The following IL1RAPL2 variants were observed in gnomAD, a reference collection of about 807,000 sequenced individuals.
The protein encoded by IL1RAPL2 is X-linked interleukin-1 receptor accessory protein-like 2.
In IL1RAPL2, 3 loss-of-function variants were observed where a neutral mutation model predicts 44.1. The ratio of observed to expected loss-of-function variants is 0.07; its 90% confidence interval spans 0.03 to 0.18. The LOEUF (loss-of-function observed/expected upper bound fraction) is 0.18, where lower values mean the gene tolerates loss of function less well. Ranked by LOEUF, IL1RAPL2 falls within the 10% of genes least tolerant of loss-of-function variation. The pLI is 1.00. For synonymous variants in IL1RAPL2, 181 were observed against 178.8 expected, an observed-to-expected ratio of 1.01 and a Z score of -0.10; for missense variants, 391 against 496.4, an observed-to-expected ratio of 0.79 and a Z score of 2.02.
At chrX:104,712,394 G>A (rs1318775044) in intron 2 of IL1RAPL2, among the ~76,000 whole-genome samples, 4 of 110,776 alleles carry the variant, frequency 3.6e-5, no homozygotes, top group Non-Finnish European at 1.9e-5. Context: ...GAAAAGATAA[G>A]ACTAGGGTTT....
chrX:104,829,526 C>G (rs992214629), intron 2 of IL1RAPL2, among the ~76,000 whole-genome samples: 2 of 112,331 alleles, frequency 1.8e-5, no homozygotes, highest in East Asian at 5.6e-4. Flanking sequence ...AATCACCCAC[C>G]TTCTGTGTTG....
intron 2 of IL1RAPL2, among the ~76,000 whole-genome samples, chrX:104,674,830 G>A (rs1333914553): frequency 9.0e-6 from 1 of 111,691 alleles, no homozygotes; most frequent in African/African-American, 3.3e-5. Context: ...TTTTGGGAGA[G>A]TGTATGTGTC....
At chrX:104,773,750 A>G (rs1360166653) in intron 2 of IL1RAPL2, among the ~76,000 whole-genome samples, 1 of 112,427 alleles carries the variant, frequency 8.9e-6, no homozygotes, top group Non-Finnish European at 1.9e-5. Context: ...GAAATGGATG[A>G]GAGCAGAGGT....
intron 2 of IL1RAPL2, among the ~76,000 whole-genome samples, chrX:104,816,713 T>C (rs888130432): frequency 8.9e-6 from 1 of 111,874 alleles, no homozygotes; most frequent in Non-Finnish European, 1.9e-5. Flanking sequence ...ATGGTTAAAT[T>C]TGGGGGCTCT....
At chrX:104,849,260 G>C (rs1271284935) in intron 2 of IL1RAPL2, among the ~76,000 whole-genome samples, 1 of 103,372 alleles carries the variant, frequency 9.7e-6, no homozygotes, top group Non-Finnish European at 2.0e-5. Context: ...ACGTTGCCCA[G>C]GCTGGTCTCA....
chrX:104,708,886 G>C (rs946534314), intron 2 of IL1RAPL2, among the ~76,000 whole-genome samples: 13 of 110,740 alleles, frequency 1.2e-4, no homozygotes, highest in Non-Finnish European at 1.9e-4. Flanking sequence ...TTTTCTGATT[G>C]GTAGGTGCTT....
intron 6 of IL1RAPL2, among the ~76,000 whole-genome samples, chrX:105,506,984 C>A (rs967081655): frequency 1.8e-5 from 2 of 111,641 alleles, no homozygotes; most frequent in African/African-American, 6.5e-5. Context: ...TCTTGAATTT[C>A]CCTCTTTCTT....
At chrX:104,947,866 C>G (rs1306519486) in intron 2 of IL1RAPL2, among the ~76,000 whole-genome samples, 27 of 111,752 alleles carry the variant, frequency 2.4e-4, no homozygotes, top group African/African-American at 7.5e-4. Flanking sequence ...CTCCGGCTTT[C>G]TTCTTTTGGC....
At chrX:104,711,357 T>C (rs1221862308) in intron 2 of IL1RAPL2, among the ~76,000 whole-genome samples, 1 of 111,138 alleles carries the variant, frequency 9.0e-6, no homozygotes, top group Non-Finnish European at 1.9e-5. Context: ...AAAGTTCTCT[T>C]TGTGTGCATG....
chrX:105,547,536 C>T (rs2036813008), intron 6 of IL1RAPL2, among the ~76,000 whole-genome samples: 1 of 111,965 alleles, frequency 8.9e-6, no homozygotes, highest in African/African-American at 3.2e-5. Flanking sequence ...TTGGGCCAAG[C>T]TTAGCTAGGC....
chrX:104,809,556 C>G (rs1423871161), intron 2 of IL1RAPL2, among the ~76,000 whole-genome samples: 1 of 109,867 alleles, frequency 9.1e-6, no homozygotes, highest in Non-Finnish European at 1.9e-5. Context: ...TGTCCTTCAC[C>G]CACTTTTTGA....
At chrX:104,734,087 G>A (rs1931970812) in intron 2 of IL1RAPL2, among the ~76,000 whole-genome samples, 1 of 112,015 alleles carries the variant, frequency 8.9e-6, no homozygotes, top group African/African-American at 3.2e-5. Context: ...TTAAAGCCAT[G>A]ATGGGATGTC....
In IL1RAPL2 at chrX:104,834,543, T is replaced by C. The variant is rs757174683; in HGVS notation, c.82+175548T>C. Among the ~76,000 whole-genome samples, 26 of 112,112 alleles carry C rather than the reference T, an allele frequency of 2.3e-4. 1 individual carries two copies. The South Asian group carries it at 9.3e-3, about 40-fold the overall frequency. ...GACAAGAGGAAATCAGTTATAAATA[T>C]TTTACACACAAACAAATGATTCACT... is the stretch of plus-strand genomic sequence containing the variant. On this transcript the variant is annotated intron_variant, in intron 2 of 10. Transcript: ENST00000372582.
At chrX:105,126,382 C>T (rs1322958654) in intron 2 of IL1RAPL2, among the ~76,000 whole-genome samples, 1 of 110,644 alleles carries the variant, frequency 9.0e-6, no homozygotes, top group Non-Finnish European at 1.9e-5. Flanking sequence ...CTCTGATCTG[C>T]CCTCTCTCTA....
At chrX:105,131,693 G>C (rs1303006967) in intron 2 of IL1RAPL2, among the ~76,000 whole-genome samples, 1 of 110,717 alleles carries the variant, frequency 9.0e-6, no homozygotes, top group African/African-American at 3.3e-5. Context: ...ACATTACATA[G>C]AAAACAAGTT....
intron 5 of IL1RAPL2, among the ~76,000 whole-genome samples, chrX:105,353,123 G>A (rs2035170587): frequency 9.0e-6 from 1 of 111,448 alleles, no homozygotes; most frequent in Non-Finnish European, 1.9e-5. Flanking sequence ...GTGTAAGGAA[G>A]GGATCCAGTT....
intron 6 of IL1RAPL2, among the ~76,000 whole-genome samples, chrX:105,664,691 C>G (rs911791318): frequency 3.6e-5 from 4 of 111,855 alleles, no homozygotes; most frequent in Admixed American, 2.8e-4. Flanking sequence ...AATCTAGCCT[C>G]TGGATCAGAG....
chrX:104,721,341 A>G (rs184466797), intron 2 of IL1RAPL2, among the ~76,000 whole-genome samples: 63 of 111,368 alleles, frequency 5.7e-4, no homozygotes, highest in Non-Finnish European at 4.7e-4. Context: ...ATGGAGTGCT[A>G]TGCAGCTATA....
chrX:105,586,659 T>A lies in IL1RAPL2; in HGVS notation c.772+102272T>A, dbSNP rs779443985. ...TTCTGGCTCATAGGAACACACACTA[T>A]ATCCAGCCTAGTGTATGCTGCAAAG... is the stretch of plus-strand genomic sequence containing the variant. On this transcript the variant is annotated intron_variant, in intron 6 of 10. Coordinates refer to ENST00000372582, the MANE Select transcript of IL1RAPL2 (RefSeq NM_017416.2). 5.4e-5 allele frequency among the ~76,000 whole-genome samples: 6 copies of A among 112,035 alleles called. 1 individual carries two copies. In the South Asian group the frequency reaches 2.2e-3, roughly 42 times the overall value.
Sources: allele counts gnomAD v4.1 joint callset (sites outside exome capture counted in the v4.1 genomes callset), GRCh38; gene constraint gnomAD v4.1.1; transcripts MANE v1.5; gene names NCBI Gene and HGNC (gene_info 2026-07-23, HGNC 2026-07-21).